FAT2: variants seen among roughly 807,000 people sequenced by gnomAD.
The protein encoded by FAT2 is protocadherin Fat 2.
In FAT2, 150 loss-of-function variants were observed where a neutral mutation model predicts 295.3. The observed-to-expected ratio is 0.51, with a 90% CI of 0.44 to 0.58. The LOEUF (loss-of-function observed/expected upper bound fraction) is 0.58, where lower values mean the gene tolerates loss of function less well. FAT2 is among the 20% of genes least tolerant of loss of function. The probability of loss-of-function intolerance (pLI) is 0.00; values close to 1 mark genes in which losing one functional copy is unlikely to be tolerated. For missense variants in FAT2, 4,868 were observed against 5,442.7 expected (o/e 0.89, Z 3.32); for synonymous variants, 2,026 against 2,150.3 (o/e 0.94, Z 1.60).
intron 4 of FAT2, 142 bp from the exon 5 acceptor site, chr5:151,554,815 T>G: frequency 2.9e-6 from 2 of 693,286 alleles, no homozygotes; most frequent in Non-Finnish European, 4.7e-6. Flanking sequence ...TACTTGGAAC[T>G]CAGCTCTCTG....
At position 151,534,622 on chromosome 5, in the gene FAT2, C is replaced by A; in HGVS notation, c.9214G>T (p.Ala3072Ser). 1 of 1,612,718 alleles carries A rather than the reference C, an allele frequency of 6.2e-7. No homozygotes were observed. The highest frequency in any genetic ancestry group is 8.5e-7 in the Non-Finnish European group (1 of 1,178,822). The change falls in exon 13 of 24, where the codon GCC (alanine) becomes TCC (serine). Residue 3072 changes from alanine (A) to serine (S), a missense_variant. Ala to Ser is a moderately conservative substitution (Grantham distance 99, BLOSUM62 1). Coordinates refer to ENST00000261800, the MANE Select transcript of FAT2 (RefSeq NM_001447.3). Reference sequence around the variant, plus strand: ...ACATCCTTCCTTTCTCGGTCTAGGGCAGTGAGTGTGGTCAGCTCCCCTGGT... The same window carrying A: ...ACATCCTTCCTTTCTCGGTCTAGGGAAGTGAGTGTGGTCAGCTCCCCTGGT... ...PHTGELTTLT[A>S]LDRERKDVFN...
At chr5:151,525,293 C>T (rs1753874449) in intron 18 of FAT2, among the ~76,000 whole-genome samples, 2 of 152,206 alleles carry the variant, frequency 1.3e-5, no homozygotes, top group African/African-American at 4.8e-5. Flanking sequence ...CATAACACCA[C>T]CACCAGAATC....
intron 1 of FAT2, among the ~76,000 whole-genome samples, chr5:151,586,827 A>C (rs7708267): frequency 0.45 from 68,301 of 152,100 alleles, 16,746 homozygotes; most frequent in Non-Finnish European, 0.56. Flanking sequence ...AGTATAGAGG[A>C]AATATAATTG....
chr5:151,539,180 C>G (rs1042051836), intron 11 of FAT2, among the ~76,000 whole-genome samples: 27 of 152,168 alleles, frequency 1.8e-4, no homozygotes, highest in Admixed American at 1.7e-3. Context: ...GAGACTACCC[C>G]AAATATGGTC....
At chr5:151,514,608 G>A (rs1045814205) in intron 20 of FAT2, among the ~76,000 whole-genome samples, 6 of 152,196 alleles carry the variant, frequency 3.9e-5, no homozygotes, top group Non-Finnish European at 8.8e-5. Context: ...ATGCTGCCCA[G>A]CAATCACACT....
rs2127630273 is a variant in FAT2 at position 151,554,387 on chromosome 5, G to A, written c.3920C>T (p.Thr1307Ile). 1 of 1,614,180 alleles carries A rather than the reference G, an allele frequency of 6.2e-7. No individual in the cohort carries two copies. The highest frequency in any genetic ancestry group is 8.5e-7 in the Non-Finnish European group (1 of 1,180,014). Reference protein sequence around the residue: ...TGVVSSSSTFTAGEYNILTIK... With the variant: ...TGVVSSSSTFIAGEYNILTIK... Reference sequence around the variant, plus strand: ...CGTTAGGATGTTGTACTCTCCAGCTGTAAAAGTGCTGCTGGATGAAACCAC... The same window carrying A: ...CGTTAGGATGTTGTACTCTCCAGCTATAAAAGTGCTGCTGGATGAAACCAC... The change falls in exon 5 of 24, where the codon ACA becomes ATA. Residue 1307 changes from threonine to isoleucine, a missense_variant. This residue lies in a region of FAT2 where 3,297 missense variants were observed against 3,669.4 expected (regional missense o/e 0.90). Coordinates refer to ENST00000261800, the MANE Select transcript of FAT2 (RefSeq NM_001447.3).
intron 1 of FAT2, among the ~76,000 whole-genome samples, chr5:151,573,889 G>T (rs978198642): frequency 1.3e-5 from 2 of 152,120 alleles, no homozygotes; most frequent in Non-Finnish European, 1.5e-5. Context: ...AAGTTTGAAC[G>T]TGGAGGGCTC....
Position 151,505,801 on chromosome 5 carries a change from T to C in FAT2, c.12814A>G (p.Thr4272Ala). Reference sequence around the variant, plus strand: ...TGCGAGTGGTAGTAGCTGATGGCCGTGTACTCATTGAGACAGGGGGCAACC... The same window carrying C: ...TGCGAGTGGTAGTAGCTGATGGCCGCGTACTCATTGAGACAGGGGGCAACC... Reference protein sequence around the residue: ...RLVAPCLNEYTAISYYHSQFR... With the variant: ...RLVAPCLNEYAAISYYHSQFR... The change falls in exon 24 of 24, where the codon ACG (threonine) becomes GCG (alanine). Residue 4272 changes from threonine to alanine, a missense_variant. This residue lies in a region of FAT2 where 492 missense variants were observed against 482.6 expected (regional missense o/e 1.02). Transcript: ENST00000261800. The C allele has an allele frequency of 1.2e-6, 2 of 1,613,918 alleles. No individual in the cohort carries two copies. Among genetic ancestry groups the C allele is most frequent in the Non-Finnish European group, 1.7e-6 (2 of 1,179,926 alleles).
intron 12 of FAT2, among the ~76,000 whole-genome samples, chr5:151,534,968 AAAATATATATATAT>A (rs1012291698): frequency 1.1e-4 from 6 of 52,712 alleles, no homozygotes; most frequent in Non-Finnish European, 2.0e-4. Flanking sequence ...CACTTCTAGG[AAAATATATATATAT>A]ATATATATAT....
Position 151,505,577 on chromosome 5 carries a change from C to T in FAT2, c.13038G>A (p.Glu4346=). ...MVESDYGSCE[E]VMF is the part of the protein sequence containing the mutation. ...TGGGAATGGGAAGCTAGAACATGAC[C>T]TCCTCACAGCTGCCATAATCACTCT... is the stretch of plus-strand genomic sequence containing the variant. The change falls in exon 24 of 24, where the codon GAG becomes GAA. Residue 4346 remains glutamate (E), a synonymous_variant. Coordinates refer to ENST00000261800, the MANE Select transcript of FAT2 (RefSeq NM_001447.3). 6.2e-7 allele frequency: 1 copy of T among 1,614,116 alleles called. No homozygotes were observed. Among genetic ancestry groups the T allele is most frequent in the Non-Finnish European group, 8.5e-7 (1 of 1,180,014 alleles).
At position 151,544,633 on chromosome 5, in the gene FAT2, T is replaced by C; in HGVS notation, c.6494A>G (p.Asn2165Ser). 6.2e-7 allele frequency: 1 copy of C among 1,614,168 alleles called. No homozygotes were observed. Among genetic ancestry groups the C allele is most frequent in the South Asian group, 1.1e-5 (1 of 91,084 alleles). The stretch of plus-strand genomic sequence containing the variant: ...ACTCTGAAACAGTGGGTTGGATTTA[T>C]TTCTCACAGTGACAAGTACCTCTTC... ...SEEEVLVTVRNKSNPLFQSPY... is the reference protein window; with the variant it reads ...SEEEVLVTVRSKSNPLFQSPY... Residue 2165 changes from asparagine to serine, a missense_variant, in exon 10 of 24, where the codon AAT (asparagine) becomes AGT (serine). Asn to Ser is a conservative substitution (Grantham distance 46). This residue lies in a region of FAT2 where 3,297 missense variants were observed against 3,669.4 expected (regional missense o/e 0.90). Transcript: ENST00000261800.
chr5:151,512,462 T>C lies in FAT2; in HGVS notation c.11608A>G (p.Ser3870Gly). The C allele has an allele frequency of 6.2e-7, 1 of 1,614,244 alleles. No individual in the cohort carries two copies. Among genetic ancestry groups the C allele is most frequent in the Non-Finnish European group, 8.5e-7 (1 of 1,180,044 alleles). ...MDASIRLMVD[S>G]MGNTSLVVPE... Reference sequence around the variant, plus strand: ...ACCACAAGGGAGGTGTTGCCCATGCTGTCAACCATCAGGCGAATGGAAGCG... The same window carrying C: ...ACCACAAGGGAGGTGTTGCCCATGCCGTCAACCATCAGGCGAATGGAAGCG... The change falls in exon 21 of 24, where the codon AGC (serine) becomes GGC (glycine). Residue 3870 changes from serine to glycine, a missense_variant. Coordinates refer to ENST00000261800, the MANE Select transcript of FAT2 (RefSeq NM_001447.3). This position sits in a 1 kb window ranked among gnomAD's most constrained non-coding sequence, Gnocchi z 4.1.
intron 8 of FAT2, among the ~76,000 whole-genome samples, chr5:151,550,268 T>C (rs936989581): frequency 6.6e-6 from 1 of 152,200 alleles, no homozygotes; most frequent in African/African-American, 2.4e-5. Context: ...AGAGGCTCTG[T>C]GTCCCTTCCA....
At chr5:151,522,850 A>AC (rs1179571217) in intron 18 of FAT2, among the ~76,000 whole-genome samples, 2 of 152,118 alleles carry the variant, frequency 1.3e-5, no homozygotes, top group African/African-American at 4.8e-5. Context: ...AGCAGGCCTG[A>AC]CCTCACTGAT....
intron 18 of FAT2, 82 bp from the exon 19 acceptor site, chr5:151,522,168 G>T (rs768827738): frequency 1.5e-5 from 18 of 1,169,494 alleles, no homozygotes; most frequent in Non-Finnish European, 2.1e-5. Flanking sequence ...TCCTTGTGGA[G>T]CTACGTTTCT....
chr5:151,560,939 A>C (rs1757988358), intron 3 of FAT2, among the ~76,000 whole-genome samples: 1 of 152,246 alleles, frequency 6.6e-6, no homozygotes, highest in Non-Finnish European at 1.5e-5. Flanking sequence ...GGTGGGCACC[A>C]ACAGTTAGGG....
At chr5:151,516,373 G>A (rs1380396837) in intron 20 of FAT2, among the ~76,000 whole-genome samples, 1 of 152,030 alleles carries the variant, frequency 6.6e-6, no homozygotes, top group African/African-American at 2.4e-5. Context: ...AAAAATTAGT[G>A]AGCGTGGTTG....
intron 1 of FAT2, among the ~76,000 whole-genome samples, chr5:151,585,752 A>G (rs1759144911): frequency 6.6e-6 from 1 of 152,150 alleles, no homozygotes; most frequent in African/African-American, 2.4e-5. Flanking sequence ...CAAGAGTTTG[A>G]GCTTCTAGGA....
Position 151,516,622 on chromosome 5 carries a change from C to T in FAT2, c.11463+998G>A, listed in dbSNP as rs553852070. Among the ~76,000 whole-genome samples the T allele has an allele frequency of 7.9e-5, 12 of 152,274 alleles. No individual in the cohort carries two copies. In the South Asian group the frequency reaches 2.5e-3, roughly 32 times the overall value. ...ACATTTGAACAAATTCTATAATTTT[C>T]TGAGCTATTATGTTTATGTTTATTG... On this transcript the variant is annotated intron_variant, in intron 20 of 23. Coordinates refer to ENST00000261800, the MANE Select transcript of FAT2 (RefSeq NM_001447.3).
Sources: gnomAD v4.1 joint callset for allele counts (sites outside exome capture counted in the v4.1 genomes callset) on GRCh38, gnomAD v4.1.1 for gene constraint, gnomAD v4.1.1 regional missense constraint, Gnocchi (gnomAD v3.1) non-coding constraint, MANE v1.5 for transcripts, NCBI Gene and HGNC (gene_info 2026-07-23, HGNC 2026-07-21) for gene names.